Variants in IL1RAPL2 observed in about 807,000 individuals in gnomAD.
IL1RAPL2 encodes the protein interleukin 1 receptor accessory protein like 2, also known as X-linked interleukin-1 receptor accessory protein-like 2.
A neutral mutation model predicts 44.1 loss-of-function variants in IL1RAPL2; 3 were observed. The ratio of observed to expected loss-of-function variants is 0.07; its 90% CI spans 0.03 to 0.18. The LOEUF (loss-of-function observed/expected upper bound fraction) is 0.18. Among genes scored for constraint, IL1RAPL2 ranks in the 10% least tolerant of loss-of-function variants. The pLI is 1.00. For synonymous variants in IL1RAPL2, 181 were observed against 178.8 expected (o/e 1.01, Z -0.10); for missense variants, 391 against 496.4 (o/e 0.79, Z 2.02).
chrX:105,289,522 A>G (rs1185412461), intron 5 of IL1RAPL2, among the ~76,000 whole-genome samples: 1 of 111,862 alleles, frequency 8.9e-6, no homozygotes, highest in Non-Finnish European at 1.9e-5. Context: ...TAAAAGTTGT[A>G]GAGTTCCAGT....
intron 2 of IL1RAPL2, among the ~76,000 whole-genome samples, chrX:104,667,613 T>G (rs1301708716): frequency 9.0e-6 from 1 of 111,419 alleles, no homozygotes; most frequent in Non-Finnish European, 1.9e-5. Context: ...AAACCCAGAT[T>G]TGTCTGACCC....
In IL1RAPL2 at chrX:105,568,164, A is replaced by T. The variant is rs767232330; in HGVS notation, c.772+83777A>T. Among the ~76,000 whole-genome samples the T allele has an allele frequency of 2.7e-5, 3 of 111,089 alleles. No homozygotes were observed. The South Asian group carries it at 1.2e-3, about 43-fold the overall frequency. On this transcript the variant is annotated intron_variant, in intron 6 of 10. Transcript: ENST00000372582. ...AGAGGCATACAAATAACAGCCATCA[A>T]CACAGCAGCCACATCATTTTATGTT...
intron 2 of IL1RAPL2, among the ~76,000 whole-genome samples, chrX:104,732,407 G>A (rs5916823): frequency 0.34 from 37,395 of 110,860 alleles, 5,441 homozygotes; most frequent in East Asian, 0.47. Flanking sequence ...AAAAAGACTT[G>A]ACAAGTCATC....
rs772583180 is a variant in IL1RAPL2, at chrX:105,483,500, C to T, written c.698-813C>T. Among the ~76,000 whole-genome samples the T allele has an allele frequency of 3.0e-4, 33 of 111,365 alleles. No individual in the cohort carries two copies. The Middle Eastern group carries it at 0.014, about 48-fold the overall frequency. ...GAATCTTTTCTTCTTTACTCTCTGCCTTTCCAAATCTTCTCCACTCTCTGC... is the reference window on the plus strand; with the variant it reads ...GAATCTTTTCTTCTTTACTCTCTGCTTTTCCAAATCTTCTCCACTCTCTGC... On this transcript the variant is annotated intron_variant, in intron 5 of 10. Transcript: ENST00000372582.
At chrX:105,429,272 T>A (rs2035831643) in intron 5 of IL1RAPL2, among the ~76,000 whole-genome samples, 1 of 111,809 alleles carries the variant, frequency 8.9e-6, no homozygotes, top group African/African-American at 3.2e-5. Flanking sequence ...AACTGCTGAA[T>A]GTTCAAGGGA....
intron 2 of IL1RAPL2, among the ~76,000 whole-genome samples, chrX:105,120,854 A>G (rs1480073316): frequency 3.6e-5 from 4 of 111,921 alleles, no homozygotes; most frequent in African/African-American, 1.3e-4. Flanking sequence ...CACGGATTTG[A>G]CTTGGAATGG....
At chrX:105,309,549 T>C (rs907390011) in intron 5 of IL1RAPL2, among the ~76,000 whole-genome samples, 24 of 106,293 alleles carry the variant, frequency 2.3e-4, no homozygotes, top group African/African-American at 7.8e-4. Context: ...CTGGCCAACA[T>C]GGTGAAACCC....
At chrX:105,105,209 T>A (rs1348325648) in intron 2 of IL1RAPL2, among the ~76,000 whole-genome samples, 1 of 112,078 alleles carries the variant, frequency 8.9e-6, no homozygotes, top group Non-Finnish European at 1.9e-5. Context: ...TATTAAGATA[T>A]AACTACTACT....
intron 1 of IL1RAPL2, among the ~76,000 whole-genome samples, chrX:104,615,869 C>T (rs1033601243): frequency 1.8e-5 from 2 of 112,217 alleles, no homozygotes; most frequent in Admixed American, 9.4e-5. Context: ...TCTTATTTCT[C>T]TGCAACCTCA....
At chrX:105,447,241 AATATAAATAT>A (rs2035969270) in intron 5 of IL1RAPL2, among the ~76,000 whole-genome samples, 2 of 4,508 alleles carry the variant, frequency 4.4e-4, no homozygotes, top group African/African-American at 2.1e-3. Flanking sequence ...TATATATATA[AATATAAATAT>A]ATATAAATAT....
intron 3 of IL1RAPL2, among the ~76,000 whole-genome samples, chrX:105,227,650 G>T (rs1345085805): frequency 9.0e-6 from 1 of 111,643 alleles, no homozygotes; most frequent in East Asian, 2.8e-4. Flanking sequence ...GATTCTAAAG[G>T]GTTGTGGGTC....
At chrX:104,868,501 T>C (rs1291533689) in intron 2 of IL1RAPL2, among the ~76,000 whole-genome samples, 5 of 106,784 alleles carry the variant, frequency 4.7e-5, no homozygotes, top group Admixed American at 2.0e-4. Context: ...CCAAGGATAT[T>C]TGCAACAACA....
At chrX:105,521,421 A>G (rs2036557620) in intron 6 of IL1RAPL2, among the ~76,000 whole-genome samples, 1 of 111,641 alleles carries the variant, frequency 9.0e-6, no homozygotes. Flanking sequence ...GTCATTTTCA[A>G]GCAATCTCTA....
chrX:105,749,025 G>A lies in IL1RAPL2; in HGVS notation c.1114G>A (p.Val372Met), dbSNP rs2038574110. The change falls in exon 9 of 11, where the codon GTG becomes ATG. Residue 372 changes from valine to methionine, a missense_variant. Physicochemically the swap from Val to Met is conservative, Grantham distance 21. Coordinates refer to ENST00000372582, the MANE Select transcript of IL1RAPL2 (RefSeq NM_017416.2). ...GAIFLLLVLL[V>M]VIYKCYNIEL... is the part of the protein sequence containing the mutation. The stretch of plus-strand genomic sequence containing the variant: ...AATCTTCCTCCTCCTTGTACTGCTG[G>A]TGGTCATTTACAAATGCTACAACAT... 5.0e-6 allele frequency: 6 copies of A among 1,208,973 alleles called. No individual in the cohort carries two copies. The highest frequency in any genetic ancestry group is 2.3e-4 in the Middle Eastern group (1 of 4,343).
chrX:105,034,120 T>C (rs1412170870), intron 2 of IL1RAPL2, among the ~76,000 whole-genome samples: 1 of 111,671 alleles, frequency 9.0e-6, no homozygotes, highest in Non-Finnish European at 1.9e-5. Context: ...TAGGTATCCA[T>C]TCATCTAATT....
intron 2 of IL1RAPL2, among the ~76,000 whole-genome samples, chrX:104,990,264 T>G (rs765258518): frequency 1.1e-3 from 127 of 112,499 alleles, no homozygotes; most frequent in African/African-American, 3.9e-3. Context: ...GAAAATATAT[T>G]TCCTTGTGTG....
intron 2 of IL1RAPL2, among the ~76,000 whole-genome samples, chrX:105,037,827 A>G (rs1046060431): frequency 9.0e-6 from 1 of 111,687 alleles, no homozygotes; most frequent in African/African-American, 3.3e-5. Flanking sequence ...ACTTCCTTTC[A>G]TGGCAGAACT....
At chrX:104,965,637 C>G (rs1452185922) in intron 2 of IL1RAPL2, among the ~76,000 whole-genome samples, 1 of 111,284 alleles carries the variant, frequency 9.0e-6, no homozygotes, top group Non-Finnish European at 1.9e-5. Flanking sequence ...CCTTTAAGAA[C>G]TTCAGATACT....
intron 2 of IL1RAPL2, among the ~76,000 whole-genome samples, chrX:105,160,087 G>C (rs992447909): frequency 1.9e-5 from 2 of 107,601 alleles, no homozygotes; most frequent in African/African-American, 6.8e-5. Flanking sequence ...TCCAATCTGA[G>C]GCCTGTATGA....
Sources: allele counts gnomAD v4.1 joint callset (sites outside exome capture counted in the v4.1 genomes callset), GRCh38; gene constraint gnomAD v4.1.1; transcripts MANE v1.5; gene names NCBI Gene and HGNC (gene_info 2026-07-23, HGNC 2026-07-21).